SBSPON: variants seen among roughly 807,000 people sequenced by gnomAD.
The protein encoded by SBSPON is somatomedin B and thrombospondin type 1 domain containing.
SBSPON carries 30 observed loss-of-function variants against 35.8 expected under a neutral mutation model. The ratio of observed to expected loss-of-function variants is 0.84; its 90% CI spans 0.63 to 1.14. SBSPON has a LOEUF of 1.14. Among genes scored for constraint, SBSPON ranks in the 50% most tolerant of loss-of-function variants. The pLI is 0.00. For missense variants in SBSPON, 364 were observed against 357.7 expected (o/e 1.02, Z -0.14); for synonymous variants, 136 against 135.9 (o/e 1.00, Z 0.00).
At chr8:73,078,600 G>A (rs1234256009) in intron 2 of SBSPON, among the ~76,000 whole-genome samples, 1 of 152,148 alleles carries the variant, frequency 6.6e-6, no homozygotes, top group African/African-American at 2.4e-5. Flanking sequence ...CATGGCACAG[G>A]AGTAGGTGGG....
At chr8:73,089,188 C>G (rs1810888035) in intron 1 of SBSPON, among the ~76,000 whole-genome samples, 1 of 152,176 alleles carries the variant, frequency 6.6e-6, no homozygotes, top group African/African-American at 2.4e-5. Flanking sequence ...TATGAAAAAG[C>G]TTTCAAATGT....
At chr8:73,073,419 G>A (rs556887651) in intron 2 of SBSPON, among the ~76,000 whole-genome samples, 1 of 152,330 alleles carries the variant, frequency 6.6e-6, no homozygotes, top group South Asian at 2.1e-4. Flanking sequence ...CCTACATGTT[G>A]ATTTTACCTG....
At chr8:73,078,579 T>C (rs1810638548) in intron 2 of SBSPON, among the ~76,000 whole-genome samples, 1 of 152,164 alleles carries the variant, frequency 6.6e-6, no homozygotes, top group South Asian at 2.1e-4. Flanking sequence ...AGGAACCCTC[T>C]AGCAGTCAGG....
chr8:73,089,768 A>G (rs1445900450), intron 1 of SBSPON, among the ~76,000 whole-genome samples: 1 of 152,180 alleles, frequency 6.6e-6, no homozygotes, highest in Non-Finnish European at 1.5e-5. Context: ...CCAACAGTAC[A>G]TTTGCTACCT....
rs973000362 is a variant in SBSPON at position 73,069,217 on chromosome 8, C to T, written c.677+588G>A. Among the ~76,000 whole-genome samples the T allele has an allele frequency of 2.6e-5, 4 of 152,136 alleles. No homozygotes were observed. The East Asian group carries it at 7.7e-4, about 29-fold the overall frequency. On this transcript the variant is annotated intron_variant, in intron 4 of 4. Transcript: ENST00000297354. Reference sequence around the variant, plus strand: ...ACGAGATTCTGATTCTAGTGATCTTCAGAACACCACTTTGGAGTGATCAGG... The same window carrying T: ...ACGAGATTCTGATTCTAGTGATCTTTAGAACACCACTTTGGAGTGATCAGG...
intron 1 of SBSPON, among the ~76,000 whole-genome samples, chr8:73,087,120 T>G (rs576988037): frequency 6.6e-6 from 1 of 152,316 alleles, no homozygotes; most frequent in South Asian, 2.1e-4. Flanking sequence ...CTCACTCTGT[T>G]GGTGTTTATG....
intron 2 of SBSPON, among the ~76,000 whole-genome samples, chr8:73,076,834 C>G (rs577762252): frequency 6.6e-6 from 1 of 152,240 alleles, no homozygotes; most frequent in East Asian, 1.9e-4. Context: ...CAGCTGACAC[C>G]TTCATTTTTG....
intron 2 of SBSPON, among the ~76,000 whole-genome samples, chr8:73,080,471 T>G (rs957982700): frequency 1.1e-4 from 17 of 152,240 alleles, no homozygotes; most frequent in African/African-American, 3.9e-4. Context: ...GCCGAGATCA[T>G]GCCACTGCCC....
At chr8:73,080,959 A>G in intron 2 of SBSPON, 60 bp downstream of exon 2, 1 of 1,435,086 alleles carries the variant, frequency 7.0e-7, no homozygotes, top group Non-Finnish European at 9.5e-7. Flanking sequence ...CTTTTGTAGG[A>G]TGAAGTGGTC....
intron 1 of SBSPON, among the ~76,000 whole-genome samples, chr8:73,086,981 G>A (rs1448567037): frequency 2.0e-5 from 3 of 152,192 alleles, no homozygotes; most frequent in African/African-American, 7.2e-5. Context: ...GGGGATGGGT[G>A]GGACGACTGC....
intron 2 of SBSPON, among the ~76,000 whole-genome samples, chr8:73,077,194 G>GCA (rs1810609396): frequency 6.6e-6 from 1 of 152,184 alleles, no homozygotes; most frequent in South Asian, 2.1e-4. Context: ...GCATGAGCCA[G>GCA]CACACCCGGC....
Position 73,065,641 on chromosome 8 carries a change from G to A in SBSPON, c.*1700C>T, listed in dbSNP as rs905867332. 2 of 151,812 alleles carry A rather than the reference G, an allele frequency of 1.3e-5. No individual in the cohort carries two copies. The highest frequency in any genetic ancestry group is 1.9e-4 in the East Asian group (1 of 5,172). The allele number at this position is 151,812 out of a possible 1,614,324, so 9.4% of individuals were successfully genotyped here. A position where few individuals can be genotyped will look rare whatever the true frequency, so the allele number is the denominator to read the frequency against. On this transcript the variant is annotated 3_prime_UTR_variant, in exon 5 of 5. Transcript: ENST00000297354. The stretch of plus-strand genomic sequence containing the variant: ...AAAAAAAACAAAAAATTAGCCAGGC[G>A]TGATGACGGCGCCTGTAGTCCCAGC...
chr8:73,083,770 T>TG (rs1206381444), intron 1 of SBSPON: 3 of 152,254 alleles, frequency 2.0e-5, no homozygotes, highest in Admixed American at 6.5e-5. Context: ...AGCGGCATGG[T>TG]GGCCTTTGAC....
At chr8:73,088,083 A>T (rs1324065055) in intron 1 of SBSPON, among the ~76,000 whole-genome samples, 3 of 152,210 alleles carry the variant, frequency 2.0e-5, no homozygotes, top group Non-Finnish European at 2.9e-5. Context: ...TGCCATTGTC[A>T]TAAGGAGATT....
At chr8:73,086,736 T>C (rs1810833492) in intron 1 of SBSPON, among the ~76,000 whole-genome samples, 1 of 152,178 alleles carries the variant, frequency 6.6e-6, no homozygotes, top group African/African-American at 2.4e-5. Context: ...GAATTTTATA[T>C]ACTATGTAAC....
At chr8:73,067,491 T>A in intron 4 of SBSPON, 33 bp from the exon 5 acceptor site, 1 of 1,294,830 alleles carries the variant, frequency 7.7e-7, no homozygotes, top group Non-Finnish European at 1.1e-6. Context: ...TTAGTTACAC[T>A]AAAAGCATAC....
intron 1 of SBSPON, among the ~76,000 whole-genome samples, chr8:73,089,471 G>A (rs984062798): frequency 2.0e-5 from 3 of 151,722 alleles, no homozygotes; most frequent in East Asian, 1.9e-4. Context: ...CAGGAGAATC[G>A]CTTGAACCTG....
At position 73,065,295 on chromosome 8, in the gene SBSPON, A is replaced by C. The variant is rs1331778945; in HGVS notation, c.*2046T>G. The C allele has an allele frequency of 1.3e-5, 2 of 152,182 alleles. No homozygotes were observed. The highest frequency in any genetic ancestry group is 4.8e-5 in the African/African-American group (2 of 41,438). The allele number at this position is 152,182 out of a possible 1,614,324, so 9.4% of individuals were successfully genotyped here. ...TAACACATATCGGAACTATAAAAGC[A>C]CCATTGCTTTATTGCTATTAGTAGT... On this transcript the variant is annotated 3_prime_UTR_variant, in exon 5 of 5. Coordinates refer to ENST00000297354, the MANE Select transcript of SBSPON (RefSeq NM_153225.4).
intron 1 of SBSPON, among the ~76,000 whole-genome samples, chr8:73,081,959 T>C (rs537902921): frequency 9.9e-5 from 15 of 152,198 alleles, no homozygotes; most frequent in African/African-American, 2.4e-4. Flanking sequence ...TGTTGGTCTA[T>C]GCTTTTCCAC....
Sources: allele counts gnomAD v4.1 joint callset (sites outside exome capture counted in the v4.1 genomes callset), GRCh38; gene constraint gnomAD v4.1.1; transcripts MANE v1.5; gene names NCBI Gene and HGNC (gene_info 2026-07-23, HGNC 2026-07-21).